The following KCNG1 variants were observed in gnomAD, a reference collection of about 807,000 sequenced individuals.
The protein encoded by KCNG1 is potassium voltage-gated channel modifier subfamily G member 1, also known as voltage-gated potassium channel regulatory subunit KCNG1.
In KCNG1, 17 loss-of-function variants were observed where a neutral mutation model predicts 32.4. The observed-to-expected ratio is 0.52, with a 90% CI of 0.36 to 0.79. KCNG1 has a LOEUF of 0.79. Ranked by LOEUF, KCNG1 falls within the 30% of genes least tolerant of loss-of-function variation. The pLI is 0.00. For synonymous variants in KCNG1, 358 were observed against 339.9 expected (o/e 1.05, Z -0.59); for missense variants, 441 against 735.2 (o/e 0.60, Z 4.63).
chr20:51,016,581 T>C (rs531416499), intron 1 of KCNG1, among the ~76,000 whole-genome samples: 18 of 152,190 alleles, frequency 1.2e-4, no homozygotes, highest in Non-Finnish European at 2.5e-4. Flanking sequence ...TCAAGGCCAG[T>C]TGCTCTGTGA....
intron 1 of KCNG1, among the ~76,000 whole-genome samples, chr20:51,019,761 T>C (rs1340645963): frequency 6.6e-6 from 1 of 152,118 alleles, no homozygotes; most frequent in East Asian, 1.9e-4. Context: ...TCCCAGGCCC[T>C]GCAGCGTTTC....
rs1040272352 is a variant in KCNG1 at position 51,005,055 on chromosome 20, G to T, written c.775-249C>A. 8 of 396,034 alleles carry T rather than the reference G, an allele frequency of 2.0e-5. No individual in the cohort carries two copies. Among genetic ancestry groups the T allele is most frequent in the African/African-American group, 1.7e-4 (8 of 48,122 alleles). 24.5% of individuals were successfully genotyped at this position (396,034 alleles called of 1,614,324 possible). On this transcript the variant is annotated intron_variant, in intron 2 of 2. Transcript: ENST00000371571. The surrounding 1 kb of genome is among the most constrained non-coding windows in gnomAD (Gnocchi z 4.0). Reference sequence around the variant, plus strand: ...GCCCTGAACTCCAGACCCCCAACAGGCTGCCTCCCTGACGCTCCCACCTGG... The same window carrying T: ...GCCCTGAACTCCAGACCCCCAACAGTCTGCCTCCCTGACGCTCCCACCTGG...
intron 1 of KCNG1, among the ~76,000 whole-genome samples, chr20:51,013,176 C>A (rs1206258925): frequency 6.6e-6 from 1 of 152,062 alleles, no homozygotes; most frequent in East Asian, 1.9e-4. Context: ...GTGGCACATG[C>A]CTGAAATCCC....
At chr20:51,010,841 G>A (rs374058657) in intron 1 of KCNG1, among the ~76,000 whole-genome samples, 5 of 151,996 alleles carry the variant, frequency 3.3e-5, no homozygotes, top group Admixed American at 1.3e-4. Context: ...GTTGCAGTGA[G>A]CCGAGATCAT....
chr20:51,019,414 G>A (rs1988390611), intron 1 of KCNG1, among the ~76,000 whole-genome samples: 1 of 152,206 alleles, frequency 6.6e-6, no homozygotes, highest in East Asian at 1.9e-4. Flanking sequence ...AGGAGGCTGA[G>A]GTGGGAGGAT....
At position 51,004,343 on chromosome 20, in the gene KCNG1, G is replaced by T; in HGVS notation, c.1238C>A (p.Ala413Asp). The T allele has an allele frequency of 6.2e-7, 1 of 1,613,940 alleles. No homozygotes were observed. The highest frequency in any genetic ancestry group is 8.5e-7 in the Non-Finnish European group (1 of 1,179,826). Residue 413 changes from alanine to aspartate, a missense_variant, in exon 3 of 3, where the codon GCC (alanine) becomes GAC (aspartate). Ala to Asp is a moderately radical substitution (Grantham distance 126, BLOSUM62 -2). This residue lies in a region of KCNG1 where 169 missense variants were observed against 297.7 expected (regional missense o/e 0.57). Transcript: ENST00000371571. This position sits in a 1 kb window ranked among gnomAD's most constrained non-coding sequence, Gnocchi z 4.3. ...GGTGATGACAGCCCACCAGTAGCAGGCAGGGATGCTGGTGAACTCGGGGCT... is the reference window on the plus strand; with the variant it reads ...GGTGATGACAGCCCACCAGTAGCAGTCAGGGATGCTGGTGAACTCGGGGCT... ...ADSPEFTSIP[A>D]CYWWAVITMT...
intron 1 of KCNG1, among the ~76,000 whole-genome samples, chr20:51,021,882 A>T (rs1316924961): frequency 6.6e-6 from 1 of 152,104 alleles, no homozygotes; most frequent in Non-Finnish European, 1.5e-5. Context: ...CCCGCCCCTA[A>T]GGAGCTTTGA....
intron 1 of KCNG1, among the ~76,000 whole-genome samples, chr20:51,020,819 G>A (rs1289038279): frequency 6.6e-6 from 1 of 152,136 alleles, no homozygotes; most frequent in African/African-American, 2.4e-5. Context: ...CCTGCATCCA[G>A]CACACATCTC....
At position 51,005,280 on chromosome 20, in the gene KCNG1, GC is replaced by G. The variant is rs1188940059; in HGVS notation, c.775-475del. On this transcript the variant is annotated intron_variant, in intron 2 of 2. Transcript: ENST00000371571. This position sits in a 1 kb window ranked among gnomAD's most constrained non-coding sequence, Gnocchi z 4.0. The stretch of plus-strand genomic sequence containing the variant: ...GCGAGAATCAAACCCACTGCCCACT[GC>G]TCCCACCTGGTCTGGCCACCATCCT... 6.5e-6 allele frequency: 1 copy of G among 153,086 alleles called. No homozygotes were observed. The highest frequency in any genetic ancestry group is 1.5e-5 in the Non-Finnish European group (1 of 68,690). 9.5% of individuals were successfully genotyped at this position (153,086 alleles called of 1,614,324 possible). A position where few individuals can be genotyped will look rare whatever the true frequency, so the allele number is the denominator to read the frequency against.
intron 1 of KCNG1, among the ~76,000 whole-genome samples, chr20:51,019,331 G>A (rs1865303145): frequency 6.6e-6 from 1 of 152,122 alleles, no homozygotes; most frequent in Non-Finnish European, 1.5e-5. Flanking sequence ...GGGCAACATA[G>A]TGAGACCCTG....
intron 2 of KCNG1, chr20:51,006,407 T>G (rs1281372053): frequency 6.6e-6 from 1 of 152,216 alleles, no homozygotes; most frequent in Non-Finnish European, 1.5e-5. Context: ...TACAGCAATT[T>G]CCAGACAGGT....
intron 2 of KCNG1, among the ~76,000 whole-genome samples, chr20:51,008,212 A>C (rs1422323739): frequency 6.6e-6 from 1 of 152,096 alleles, no homozygotes; most frequent in Non-Finnish European, 1.5e-5. Context: ...ACACAAGGAG[A>C]CTGAACTGGG....
chr20:51,007,204 G>A (rs560894152), intron 2 of KCNG1: 1 of 142,834 alleles, frequency 7.0e-6, no homozygotes, highest in Non-Finnish European at 1.5e-5. Context: ...TTTTTTTTTT[G>A]AGACAGGGTC....
chr20:51,009,621 TG>T lies in KCNG1; in HGVS notation c.717del (p.Thr240ProfsTer13), dbSNP rs1157036735. 6.2e-7 allele frequency: 1 copy of T among 1,610,380 alleles called. No individual in the cohort carries two copies. The highest frequency in any genetic ancestry group is 1.3e-5 in the African/African-American group (1 of 75,046). On this transcript the variant is annotated frameshift_variant, in exon 2 of 3. Coordinates refer to ENST00000371571, the MANE Select transcript of KCNG1 (RefSeq NM_002237.4). LOFTEE classifies it high-confidence loss of function. Reference protein sequence around the residue: ...FACLSVLFVTVTAVNLSVSTL... With the variant: ...FACLSVLFVTXTAVNLSVSTL... ...GTGCTGACGGAGAGGTTGACGGCGGTGACGGTCACGAAGAGCACCGACAGGC... is the reference window on the plus strand; with the variant it reads ...GTGCTGACGGAGAGGTTGACGGCGGTACGGTCACGAAGAGCACCGACAGGC...
At position 51,009,852 on chromosome 20, in the gene KCNG1, C is replaced by G. The variant is rs755946302; in HGVS notation, c.487G>C (p.Gly163Arg). 7 of 1,613,470 alleles carry G rather than the reference C, an allele frequency of 4.3e-6. No homozygotes were observed. Among genetic ancestry groups the G allele is most frequent in the Non-Finnish European group, 5.9e-6 (7 of 1,179,964 alleles). ...YWGIAEDHLD[G>R]CCKRRYLQKI... ...TGCAGGTAGCGGCGCTTGCAGCAGC[C>G]GTCCAGGTGGTCCTCCGCGATGCCC... Residue 163 changes from glycine to arginine, a missense_variant, in exon 2 of 3, where the codon GGC (glycine) becomes CGC (arginine). Transcript: ENST00000371571.
chr20:51,013,189 C>T (rs547543755), intron 1 of KCNG1, among the ~76,000 whole-genome samples: 20 of 152,262 alleles, frequency 1.3e-4, no homozygotes, highest in African/African-American at 4.6e-4. Flanking sequence ...GAAATCCCAG[C>T]TACTCGGGAG....
chr20:51,014,557 T>C (rs1216425483), intron 1 of KCNG1, among the ~76,000 whole-genome samples: 1 of 152,146 alleles, frequency 6.6e-6, no homozygotes, highest in Admixed American at 6.5e-5. Flanking sequence ...TGTCATTCAT[T>C]CCTTTATTTG....
chr20:51,018,818 C>T (rs532041526), intron 1 of KCNG1, among the ~76,000 whole-genome samples: 22 of 152,290 alleles, frequency 1.4e-4, no homozygotes, highest in African/African-American at 4.8e-4. Context: ...GACTCCAGGC[C>T]GAACCTCTTT....
At chr20:51,022,113 C>T (rs1367079443) in intron 1 of KCNG1, among the ~76,000 whole-genome samples, 1 of 152,220 alleles carries the variant, frequency 6.6e-6, no homozygotes, top group Non-Finnish European at 1.5e-5. Flanking sequence ...CTTCACTTCT[C>T]CCCAGCATAG....
Sources: allele counts gnomAD v4.1 joint callset (sites outside exome capture counted in the v4.1 genomes callset), GRCh38; gene constraint gnomAD v4.1.1; regional missense constraint gnomAD v4.1.1; non-coding constraint Gnocchi (gnomAD v3.1); transcripts MANE v1.5; gene names NCBI Gene and HGNC (gene_info 2026-07-23, HGNC 2026-07-21).